CEP170B: variants seen among roughly 807,000 people sequenced by gnomAD.
CEP170B encodes the protein centrosomal protein 170B, also known as centrosomal protein of 170 kDa protein B.
A neutral mutation model predicts 120.6 loss-of-function variants in CEP170B; 55 were observed. The ratio of observed to expected loss-of-function variants is 0.46; its 90% CI spans 0.37 to 0.57. The LOEUF (loss-of-function observed/expected upper bound fraction) is 0.57. CEP170B is among the 20% of genes least tolerant of loss of function. The pLI, the probability that CEP170B is intolerant of heterozygous loss-of-function variation, is 0.00. For missense variants in CEP170B, 2,212 were observed against 2,253.3 expected (o/e 0.98, Z 0.37); for synonymous variants, 1,033 against 954.5 (o/e 1.08, Z -1.52).
chr14:104,866,669 G>A (rs1351146786), intron 1 of CEP170B, among the ~76,000 whole-genome samples: 1 of 152,188 alleles, frequency 6.6e-6, no homozygotes, highest in African/African-American at 2.4e-5. Flanking sequence ...TGGGGCACGT[G>A]GTCACTTGGG....
At chr14:104,866,063 T>A (rs1895188678) in intron 1 of CEP170B, among the ~76,000 whole-genome samples, 1 of 152,224 alleles carries the variant, frequency 6.6e-6, no homozygotes, top group Non-Finnish European at 1.5e-5. Flanking sequence ...CCTCTGACTG[T>A]GGCCCTTCCG....
At position 104,891,937 on chromosome 14, in the gene CEP170B, G is replaced by T. The variant is rs778314408; in HGVS notation, c.3879-1039G>T. Among the ~76,000 whole-genome samples the T allele has an allele frequency of 6.6e-6, 1 of 152,200 alleles. No individual in the cohort carries two copies. The highest frequency in any genetic ancestry group is 2.4e-5 in the African/African-American group (1 of 41,440). ...ATGGGGCCAGGGCAGCCAGTGGGAT[G>T]TGCAAGGCCATCTGGGCAGAGGGTG... On this transcript the variant is annotated intron_variant, in intron 13 of 18. Coordinates refer to ENST00000414716, the MANE Select transcript of CEP170B (RefSeq NM_001112726.3). This position sits in a 1 kb window ranked among gnomAD's most constrained non-coding sequence, Gnocchi z 4.3.
rs1566877739 is a variant in CEP170B, at chr14:104,895,250, C to CG, written c.*293dup. ...GGTCAAGCCCTCAAGGGCATTACCC[C>CG]GCCTCCTCTTCATCACTGTTATTTT... On this transcript the variant is annotated 3_prime_UTR_variant, in exon 19 of 19. Coordinates refer to ENST00000414716, the MANE Select transcript of CEP170B (RefSeq NM_001112726.3). 2.4e-6 allele frequency: 1 copy of CG among 412,690 alleles called. No homozygotes were observed. The highest frequency in any genetic ancestry group is 4.3e-6 in the Non-Finnish European group (1 of 233,658). The allele number at this position is 412,690 out of a possible 1,614,324, so 25.6% of individuals were successfully genotyped here.
rs1896924195 is a variant in CEP170B, at chr14:104,893,070, G to A, written c.3973G>A (p.Ala1325Thr). 1 of 1,604,292 alleles carries A rather than the reference G, an allele frequency of 6.2e-7. No homozygotes were observed. The highest frequency in any genetic ancestry group is 8.5e-7 in the Non-Finnish European group (1 of 1,176,894). ...DGDTLGSSEPAHSASLSNMPS... is the reference protein window; with the variant it reads ...DGDTLGSSEPTHSASLSNMPS... ...TGACACACTGGGCTCCTCGGAGCCT[G>A]CCCACAGCGCCTCCCTCAGCAACAT... The change falls in exon 14 of 19, where the codon GCC becomes ACC. Residue 1325 changes from alanine to threonine, a missense_variant. Transcript: ENST00000414716.
chr14:104,892,631 C>T (rs1339902043), intron 13 of CEP170B, among the ~76,000 whole-genome samples: 2 of 152,234 alleles, frequency 1.3e-5, no homozygotes, highest in Non-Finnish European at 2.9e-5. Flanking sequence ...CCCATTTGGG[C>T]CCCGCAGCTG....
At chr14:104,874,174 G>A (rs918545630) in intron 2 of CEP170B, among the ~76,000 whole-genome samples, 2 of 152,144 alleles carry the variant, frequency 1.3e-5, no homozygotes, top group Admixed American at 6.5e-5. Context: ...GCTGGGGGTC[G>A]CCTGTGTCTG....
rs921357941 is a variant in CEP170B, at chr14:104,895,177, C to T, written c.*219C>T. The T allele has an allele frequency of 2.6e-5, 14 of 539,026 alleles. No homozygotes were observed. Among genetic ancestry groups the T allele is most frequent in the African/African-American group, 1.2e-4 (6 of 51,432 alleles). 33.4% of individuals were successfully genotyped at this position (539,026 alleles called of 1,614,324 possible). A position where few individuals can be genotyped will look rare whatever the true frequency, so the allele number is the denominator to read the frequency against. On this transcript the variant is annotated 3_prime_UTR_variant, in exon 19 of 19. Coordinates refer to ENST00000414716, the MANE Select transcript of CEP170B (RefSeq NM_001112726.3). ...CCCATGGCCACCCCCACCCCTGCCT[C>T]GCCCCCTACAGGCCTCTGGGCCCAG...
In CEP170B at chr14:104,884,321, C is replaced by A; in HGVS notation, c.1542C>A (p.Ala514=). 1 of 1,543,356 alleles carries A rather than the reference C, an allele frequency of 6.5e-7. No individual in the cohort carries two copies. Among genetic ancestry groups the A allele is most frequent in the Non-Finnish European group, 8.7e-7 (1 of 1,144,684 alleles). The change falls in exon 9 of 19, where the codon GCC becomes GCA. Residue 514 remains alanine, a synonymous_variant. Coordinates refer to ENST00000414716, the MANE Select transcript of CEP170B (RefSeq NM_001112726.3). ...AGTGTCTGCGGGAGAGCTCCCCGGC[C>A]GCCCGGCCCAGCCCCGAGAAGGTTC... ...MAQCLRESSP[A]ARPSPEKVPP...
intron 2 of CEP170B, among the ~76,000 whole-genome samples, chr14:104,869,546 G>T (rs1201135605): frequency 6.6e-6 from 1 of 152,228 alleles, no homozygotes. Context: ...CGATATTGCT[G>T]CATGTGTCCT....
chr14:104,877,849 G>GCCCC, intron 3 of CEP170B, 36 bp from the exon 4 acceptor site: 4 of 315,688 alleles, frequency 1.3e-5, no homozygotes, highest in Non-Finnish European at 1.5e-5. Flanking sequence ...CACCCGCGCA[G>GCCCC]CTCCCCCCCC....
Position 104,868,586 on chromosome 14 carries a change from TA to T in CEP170B, c.105+32del, listed in dbSNP as rs1566849095. The T allele has an allele frequency of 6.5e-7, 1 of 1,536,966 alleles. No homozygotes were observed. The highest frequency in any genetic ancestry group is 8.8e-7 in the Non-Finnish European group (1 of 1,138,708). ...CAGGGAGCGCTTGGGGCCAGGAGGG[TA>T]GGGGGTAGACAGTCTGTCCCTGTGG... is the stretch of plus-strand genomic sequence containing the variant. On this transcript the variant is annotated intron_variant, in intron 2 of 18. Coordinates refer to ENST00000414716, the MANE Select transcript of CEP170B (RefSeq NM_001112726.3). The surrounding 1 kb of genome is among the most constrained non-coding windows in gnomAD (Gnocchi z 5.9).
intron 6 of CEP170B, among the ~76,000 whole-genome samples, chr14:104,881,751 C>G (rs998851665): frequency 5.3e-5 from 8 of 152,200 alleles, no homozygotes; most frequent in Non-Finnish European, 8.8e-5. Flanking sequence ...TGCCTGGTAG[C>G]AGATGCCCCT....
At chr14:104,888,636 G>A (rs1201397709) in intron 12 of CEP170B, among the ~76,000 whole-genome samples, 1 of 152,242 alleles carries the variant, frequency 6.6e-6, no homozygotes, top group Non-Finnish European at 1.5e-5. Context: ...GGCCCACCCC[G>A]CCCGCCGAGG....
In CEP170B at chr14:104,884,507, G is replaced by A. The variant is rs200830412; in HGVS notation, c.1728G>A (p.Ala576=). ...DAGTYTIETE[A]QDTEVEEARK... ...GGACATACACCATCGAGACCGAGGC[G>A]CAGGACACGGAGGTGGAGGAGGCCC... Residue 576 remains alanine (A), a synonymous_variant, in exon 9 of 19, where the codon GCG becomes GCA. Transcript: ENST00000414716. 202 of 1,564,716 alleles carry A rather than the reference G, an allele frequency of 1.3e-4. No individual in the cohort carries two copies. In the East Asian group the frequency reaches 1.8e-3, roughly 14 times the overall value.
At chr14:104,876,410 C>T (rs1246873538) in intron 3 of CEP170B, 65 bp downstream of exon 3, 10 of 1,469,236 alleles carry the variant, frequency 6.8e-6, no homozygotes, top group African/African-American at 2.8e-5. Context: ...GCCCCTCCCT[C>T]TCAGTTCTGG....
intron 2 of CEP170B, among the ~76,000 whole-genome samples, chr14:104,869,722 C>T (rs1403964879): frequency 1.3e-5 from 2 of 152,188 alleles, no homozygotes; most frequent in Non-Finnish European, 2.9e-5. Context: ...AGCTGGCTCA[C>T]CCCTTCTGCC....
upstream of CEP170B, among the ~76,000 whole-genome samples, chr14:104,865,068 G>A (rs1006665640): frequency 6.6e-6 from 1 of 151,382 alleles, no homozygotes; most frequent in African/African-American, 2.4e-5. This position sits in a 1 kb window ranked among gnomAD's most constrained non-coding sequence, Gnocchi z 6.7. Context: ...CCTGGGGCAG[G>A]GGCGGGATGG....
At chr14:104,881,117 C>T (rs1464789634) in intron 6 of CEP170B, among the ~76,000 whole-genome samples, 1 of 152,168 alleles carries the variant, frequency 6.6e-6, no homozygotes, top group Non-Finnish European at 1.5e-5. Context: ...CAGCAGGGCT[C>T]AGGGGTTGGT....
intron 6 of CEP170B, among the ~76,000 whole-genome samples, chr14:104,880,691 G>T (rs1179211355): frequency 1.3e-5 from 2 of 149,882 alleles, no homozygotes; most frequent in Non-Finnish European, 3.0e-5. Flanking sequence ...ACCTACCCAT[G>T]CATGCCTGCA....
Sources: gnomAD v4.1 joint callset for allele counts (sites outside exome capture counted in the v4.1 genomes callset) on GRCh38, gnomAD v4.1.1 for gene constraint, Gnocchi (gnomAD v3.1) non-coding constraint, MANE v1.5 for transcripts, NCBI Gene and HGNC (gene_info 2026-07-23, HGNC 2026-07-21) for gene names.